The following ATP2B2 variants were observed in gnomAD, a reference collection of about 807,000 sequenced individuals.
The protein encoded by ATP2B2 is ATPase plasma membrane Ca2+ transporting 2.
In ATP2B2, 15 loss-of-function variants were observed where a neutral mutation model predicts 120.0. The ratio of observed to expected loss-of-function variants is 0.12; its 90% CI spans 0.08 to 0.19. The LOEUF is 0.19. ATP2B2 is among the 10% of genes least tolerant of loss of function. ATP2B2 has a pLI of 1.00. For missense variants in ATP2B2, 1,045 were observed against 1,719.8 expected, an observed-to-expected ratio of 0.61 and a Z score of 6.94; for synonymous variants, 694 against 700.3, an observed-to-expected ratio of 0.99 and a Z score of 0.14.
intron 12 of ATP2B2, among the ~76,000 whole-genome samples, chr3:10,362,198 T>G (rs994676269): frequency 1.3e-5 from 2 of 152,230 alleles, no homozygotes; most frequent in African/African-American, 4.8e-5. Flanking sequence ...CAAGGAGCCC[T>G]CTGCATCCTC....
rs1255432898 is a variant in ATP2B2, at chr3:10,375,819, G to A, written c.1202-175C>T. ...AGTTCTTGAGACCTTGATCCTCACC[G>A]AGCCTCAGTCTCCTGCTCTGTACAA... On this transcript the variant is annotated intron_variant, in intron 10 of 22. Transcript: ENST00000360273. This position sits in a 1 kb window ranked among gnomAD's most constrained non-coding sequence, Gnocchi z 4.2. Among the ~76,000 whole-genome samples the A allele has an allele frequency of 2.6e-5, 4 of 152,132 alleles. No individual in the cohort carries two copies. The highest frequency in any genetic ancestry group is 4.4e-5 in the Non-Finnish European group (3 of 68,034).
At chr3:10,514,467 T>A (rs1475118928) in intron 3 of ATP2B2, among the ~76,000 whole-genome samples, 1 of 152,196 alleles carries the variant, frequency 6.6e-6, no homozygotes, top group Admixed American at 6.5e-5. Context: ...GGAATTCCCT[T>A]TGGGATCTGC....
intron 1 of ATP2B2, among the ~76,000 whole-genome samples, chr3:10,656,531 G>GCCCAACCTCTGGGCCTT (rs2125673648): frequency 6.6e-6 from 1 of 152,270 alleles, no homozygotes; most frequent in Non-Finnish European, 1.5e-5. Flanking sequence ...CCTGGCTCCT[G>GCCCAACCTCTGGGCCTT]CCCAACCTCT....
intron 2 of ATP2B2, among the ~76,000 whole-genome samples, chr3:10,582,213 G>A (rs2068407193): frequency 6.6e-6 from 1 of 152,172 alleles, no homozygotes; most frequent in South Asian, 2.1e-4. Context: ...GGGGACCGGG[G>A]ATCTGGGCGT....
chr3:10,371,759 C>T (rs1249860283), intron 12 of ATP2B2, 50 bp downstream of exon 12: 9 of 1,613,590 alleles, frequency 5.6e-6, no homozygotes, highest in African/African-American at 2.7e-5. Context: ...ACCTCTGTAC[C>T]ATCCCATGGA....
intron 1 of ATP2B2, among the ~76,000 whole-genome samples, chr3:10,642,645 A>G (rs1235544288): frequency 6.6e-6 from 1 of 151,672 alleles, no homozygotes; most frequent in Non-Finnish European, 1.5e-5. Context: ...TTCATGACCC[A>G]TTCACCTGGA....
rs561158060 is a variant in ATP2B2, at chr3:10,491,540, C to T, written c.-320+13925G>A. 5.3e-5 allele frequency among the ~76,000 whole-genome samples: 8 copies of T among 152,272 alleles called. No homozygotes were observed. In the East Asian group the frequency reaches 1.4e-3, roughly 26 times the overall value. On this transcript the variant is annotated intron_variant, in intron 1 of 22. Transcript: ENST00000360273. ...TGCGCCTGGCCTGGCTCTTTCACTC[C>T]TTAATGGGGCCCATAGCGGGTATCC... is the stretch of plus-strand genomic sequence containing the variant.
chr3:10,483,949 C>A (rs766300590), intron 1 of ATP2B2, among the ~76,000 whole-genome samples: 1 of 152,104 alleles, frequency 6.6e-6, no homozygotes, highest in African/African-American at 2.4e-5. Context: ...GGTCTCCCCT[C>A]GAGGGATTCA....
intron 2 of ATP2B2, among the ~76,000 whole-genome samples, chr3:10,579,923 C>G (rs533385666): frequency 6.6e-6 from 1 of 152,200 alleles, no homozygotes; most frequent in Non-Finnish European, 1.5e-5. Context: ...ACAAGTGACT[C>G]CATTTGGCTC....
intron 1 of ATP2B2, among the ~76,000 whole-genome samples, chr3:10,633,495 G>C (rs1455862988): frequency 6.6e-6 from 1 of 152,144 alleles, no homozygotes; most frequent in Non-Finnish European, 1.5e-5. Flanking sequence ...CAGGGACCAA[G>C]AAGGGCATCT....
At chr3:10,363,079 T>C (rs2060947019) in intron 12 of ATP2B2, among the ~76,000 whole-genome samples, 1 of 152,254 alleles carries the variant, frequency 6.6e-6, no homozygotes, top group Admixed American at 6.5e-5. Flanking sequence ...CTCAGGATTT[T>C]ATTACCCTCT....
chr3:10,476,582 T>C (rs1470907646), intron 1 of ATP2B2, among the ~76,000 whole-genome samples: 1 of 152,176 alleles, frequency 6.6e-6, no homozygotes, highest in Non-Finnish European at 1.5e-5. Context: ...CTCCACAGCT[T>C]TTCTGTGGCT....
chr3:10,639,737 C>T (rs767953037), intron 1 of ATP2B2, among the ~76,000 whole-genome samples: 7 of 152,064 alleles, frequency 4.6e-5, no homozygotes, highest in Admixed American at 6.5e-5. Context: ...CAGTGGAGGC[C>T]GGTGACTGCT....
At chr3:10,608,123 C>T (rs2069135323) in intron 2 of ATP2B2, among the ~76,000 whole-genome samples, 1 of 152,262 alleles carries the variant, frequency 6.6e-6, no homozygotes, top group African/African-American at 2.4e-5. Context: ...CCTCCTGACT[C>T]CACTGCCTTG....
intron 1 of ATP2B2, among the ~76,000 whole-genome samples, chr3:10,488,499 C>CTTCA (rs2065810086): frequency 1.3e-5 from 1 of 75,674 alleles, no homozygotes; most frequent in Non-Finnish European, 2.8e-5. Flanking sequence ...TCCTTCCTTC[C>CTTCA]TTCCTTCGTT....
At chr3:10,491,164 G>A (rs929472279) in intron 1 of ATP2B2, among the ~76,000 whole-genome samples, 2 of 151,974 alleles carry the variant, frequency 1.3e-5, no homozygotes, top group East Asian at 1.9e-4. Flanking sequence ...CTCTGACTCC[G>A]GGCATTCACC....
chr3:10,451,741 C>T (rs1348834084), intron 1 of ATP2B2, among the ~76,000 whole-genome samples: 3 of 152,190 alleles, frequency 2.0e-5, no homozygotes, highest in South Asian at 2.1e-4. Flanking sequence ...ACCTACAATA[C>T]TCAAAAGAGG....
chr3:10,336,580 A>G (rs1274653910), intron 22 of ATP2B2, among the ~76,000 whole-genome samples: 1 of 152,116 alleles, frequency 6.6e-6, no homozygotes, highest in Non-Finnish European at 1.5e-5. Context: ...TGGGGGAGGC[A>G]GTGATTAAAC....
At chr3:10,623,054 CT>C (rs34097914) in intron 1 of ATP2B2, among the ~76,000 whole-genome samples, 3,292 of 106,534 alleles carry the variant, frequency 0.031, 95 homozygotes, top group African/African-American at 0.092. Context: ...TTGGTCAGCT[CT>C]TTTTTTTTTT....
Sources: allele counts gnomAD v4.1 joint callset (sites outside exome capture counted in the v4.1 genomes callset), GRCh38; gene constraint gnomAD v4.1.1; non-coding constraint Gnocchi (gnomAD v3.1); transcripts MANE v1.5; gene names NCBI Gene and HGNC (gene_info 2026-07-23, HGNC 2026-07-21).